The following GALNT18 variants were observed in gnomAD, a reference collection of about 807,000 sequenced individuals.
GALNT18 encodes GalNAc-transferase 18.
Under a neutral mutation model 69.5 loss-of-function variants are expected in GALNT18, and 44 were observed. That is an observed-to-expected ratio of 0.63 (90% confidence interval 0.50 to 0.81). The LOEUF is 0.81. Ranked by LOEUF, GALNT18 falls within the 40% of genes least tolerant of loss-of-function variation. The pLI, the probability that GALNT18 is intolerant of heterozygous loss-of-function variation, is 0.00. For missense variants in GALNT18, 715 were observed against 810.0 expected, an observed-to-expected ratio of 0.88 and a Z score of 1.42; for synonymous variants, 364 against 318.2, an observed-to-expected ratio of 1.14 and a Z score of -1.53.
intron 1 of GALNT18, among the ~76,000 whole-genome samples, chr11:11,599,939 G>A (rs940738135): frequency 8.6e-5 from 13 of 151,936 alleles, no homozygotes; most frequent in African/African-American, 2.9e-4. Flanking sequence ...TACTTCTTGA[G>A]TTATTTTCTT....
At chr11:11,316,854 C>T (rs938606660) in intron 9 of GALNT18, among the ~76,000 whole-genome samples, 5 of 152,218 alleles carry the variant, frequency 3.3e-5, no homozygotes, top group Non-Finnish European at 5.9e-5. Flanking sequence ...AAGTTCCTGC[C>T]TCCCTCTCCA....
In GALNT18 at chr11:11,345,747, C is replaced by T. The variant is rs573559787; in HGVS notation, c.1093-4743G>A. Among the ~76,000 whole-genome samples, 83 of 152,112 alleles carry T rather than the reference C, an allele frequency of 5.5e-4. 1 individual carries two copies. In the Middle Eastern group the frequency reaches 0.027, roughly 50 times the overall value. ...GTAGACAGAGATGCCTAGGGAGAGA[C>T]GGCAGGTAGCTGGGTACCAAAGGGG... On this transcript the variant is annotated intron_variant, in intron 6 of 10. Coordinates refer to ENST00000227756, the MANE Select transcript of GALNT18 (RefSeq NM_198516.3).
chr11:11,527,120 C>A (rs961256956), intron 1 of GALNT18, among the ~76,000 whole-genome samples: 6 of 152,220 alleles, frequency 3.9e-5, no homozygotes, highest in South Asian at 4.2e-4. Flanking sequence ...GGTCTGTACT[C>A]CCTGCATAGT....
chr11:11,324,818 T>G (rs1010467588), intron 9 of GALNT18, among the ~76,000 whole-genome samples: 2 of 152,338 alleles, frequency 1.3e-5, no homozygotes, highest in East Asian at 1.9e-4. Context: ...CTTTGTTGGA[T>G]GCATAGTTTG....
intron 1 of GALNT18, among the ~76,000 whole-genome samples, chr11:11,471,960 T>C (rs1241286585): frequency 6.6e-6 from 1 of 152,172 alleles, no homozygotes; most frequent in African/African-American, 2.4e-5. Context: ...CAGAGAGTGA[T>C]GGGGACATGG....
At chr11:11,457,885 G>A (rs1855958854) in intron 1 of GALNT18, among the ~76,000 whole-genome samples, 1 of 152,198 alleles carries the variant, frequency 6.6e-6, no homozygotes, top group Non-Finnish European at 1.5e-5. Context: ...TTCTCTTTCT[G>A]CCCTCAGGCC....
chr11:11,589,104 A>G (rs1859291978), intron 1 of GALNT18, among the ~76,000 whole-genome samples: 1 of 152,168 alleles, frequency 6.6e-6, no homozygotes, highest in East Asian at 1.9e-4. Flanking sequence ...AAAAGAGATA[A>G]TGTGTTTGGA....
In GALNT18 at chr11:11,470,565, C is replaced by T. The variant is rs923618550; in HGVS notation, c.236-21629G>A. ...GGGATAGTGATAGGATGACTAATCGCTAGCTAATTTTGATCTTTTGATCTG... is the reference window on the plus strand; with the variant it reads ...GGGATAGTGATAGGATGACTAATCGTTAGCTAATTTTGATCTTTTGATCTG... On this transcript the variant is annotated intron_variant, in intron 1 of 10. Coordinates refer to ENST00000227756, the MANE Select transcript of GALNT18 (RefSeq NM_198516.3). This position sits in a 1 kb window ranked among gnomAD's most constrained non-coding sequence, Gnocchi z 4.8. Among the ~76,000 whole-genome samples, 1 of 152,146 alleles carries T rather than the reference C, an allele frequency of 6.6e-6. No individual in the cohort carries two copies. Among genetic ancestry groups the T allele is most frequent in the Non-Finnish European group, 1.5e-5 (1 of 68,032 alleles).
chr11:11,507,072 G>T (rs1857081906), intron 1 of GALNT18, among the ~76,000 whole-genome samples: 1 of 152,224 alleles, frequency 6.6e-6, no homozygotes, highest in African/African-American at 2.4e-5. Flanking sequence ...CAAACAAACA[G>T]AGGTGAAAGT....
At position 11,436,835 on chromosome 11, in the gene GALNT18, C is replaced by T. The variant is rs538784304; in HGVS notation, c.429-4048G>A. 2.0e-4 allele frequency among the ~76,000 whole-genome samples: 31 copies of T among 152,348 alleles called. No homozygotes were observed. The highest frequency in any genetic ancestry group is 6.8e-3 in the Middle Eastern group (2 of 294). ...AGTCCAAGTCACCTTGAAAAGAACA[C>T]GCCTCCAAGAGCTGCGTGGGAGAGG... On this transcript the variant is annotated intron_variant, in intron 2 of 10. Coordinates refer to ENST00000227756, the MANE Select transcript of GALNT18 (RefSeq NM_198516.3). This position sits in a 1 kb window ranked among gnomAD's most constrained non-coding sequence, Gnocchi z 4.5.
chr11:11,510,162 C>T (rs751188381), intron 1 of GALNT18, among the ~76,000 whole-genome samples: 6 of 152,160 alleles, frequency 3.9e-5, no homozygotes, highest in Non-Finnish European at 8.8e-5. Context: ...ACAGAGACCA[C>T]GCTGATGGAT....
At chr11:11,319,679 A>G (rs1345094712) in intron 9 of GALNT18, among the ~76,000 whole-genome samples, 3 of 152,144 alleles carry the variant, frequency 2.0e-5, no homozygotes, top group Non-Finnish European at 4.4e-5. Context: ...CCTGCCAAAC[A>G]TGGCTCAGTG....
intron 1 of GALNT18, among the ~76,000 whole-genome samples, chr11:11,512,990 C>T (rs1857194115): frequency 6.6e-6 from 1 of 152,220 alleles, no homozygotes; most frequent in South Asian, 2.1e-4. Flanking sequence ...ACAGAAAAGG[C>T]ACTGGATATT....
At chr11:11,530,701 A>G (rs1477339986) in intron 1 of GALNT18, among the ~76,000 whole-genome samples, 1 of 152,170 alleles carries the variant, frequency 6.6e-6, no homozygotes, top group Non-Finnish European at 1.5e-5. Context: ...TCACCTGTGG[A>G]GCCCTTCAGT....
intron 1 of GALNT18, among the ~76,000 whole-genome samples, chr11:11,507,018 T>C (rs1465040953): frequency 6.6e-6 from 1 of 152,230 alleles, no homozygotes; most frequent in Non-Finnish European, 1.5e-5. Context: ...AGTTACTCTC[T>C]GGCAGAACAC....
Position 11,597,995 on chromosome 11 carries a change from A to T in GALNT18, c.235+23364T>A, listed in dbSNP as rs184718828. Among the ~76,000 whole-genome samples, 23 of 152,212 alleles carry T rather than the reference A, an allele frequency of 1.5e-4. No homozygotes were observed. The East Asian group carries it at 4.3e-3, about 28-fold the overall frequency. On this transcript the variant is annotated intron_variant, in intron 1 of 10. Coordinates refer to ENST00000227756, the MANE Select transcript of GALNT18 (RefSeq NM_198516.3). ...GTATTCTTTTTGCCTTTGTCAGTCTATCTAAAGTTCTGTCCATTTTATTGA... is the reference window on the plus strand; with the variant it reads ...GTATTCTTTTTGCCTTTGTCAGTCTTTCTAAAGTTCTGTCCATTTTATTGA...
rs1853794229 is a variant in GALNT18, at chr11:11,377,443, A to G, written c.780-64T>C. Reference sequence around the variant, plus strand: ...CCAAGGTGGAAAAATCCAGAGTAGCATCTCCTGAAGGTCCTTCCCCAGCAG... The same window carrying G: ...CCAAGGTGGAAAAATCCAGAGTAGCGTCTCCTGAAGGTCCTTCCCCAGCAG... On this transcript the variant is annotated intron_variant, in intron 4 of 10. Transcript: ENST00000227756. The surrounding 1 kb of genome is among the most constrained non-coding windows in gnomAD (Gnocchi z 4.6). 2.7e-6 allele frequency: 4 copies of G among 1,463,030 alleles called. No homozygotes were observed. Among genetic ancestry groups the G allele is most frequent in the Non-Finnish European group, 3.8e-6 (4 of 1,047,290 alleles). The allele number at this position is 1,463,030 out of a possible 1,614,324, so 90.6% of individuals were successfully genotyped here.
chr11:11,276,795 TTA>T (rs1312778816), intron 10 of GALNT18, among the ~76,000 whole-genome samples: 1 of 152,202 alleles, frequency 6.6e-6, no homozygotes, highest in Non-Finnish European at 1.5e-5. Context: ...CTGGTTCTGT[TTA>T]TGTGATGGAT....
intron 1 of GALNT18, among the ~76,000 whole-genome samples, chr11:11,608,545 T>C (rs1859809299): frequency 6.6e-6 from 1 of 151,866 alleles, no homozygotes. Context: ...TTTTTTTTAG[T>C]AGAGACAGGA....
Sources: allele counts gnomAD v4.1 joint callset (sites outside exome capture counted in the v4.1 genomes callset), GRCh38; gene constraint gnomAD v4.1.1; non-coding constraint Gnocchi (gnomAD v3.1); transcripts MANE v1.5; gene names NCBI Gene and HGNC (gene_info 2026-07-23, HGNC 2026-07-21).